The following MSI2 variants were observed in gnomAD, a reference collection of about 807,000 sequenced individuals.
MSI2 encodes RNA-binding protein Musashi homolog 2.
In MSI2, 17 loss-of-function variants were observed where a neutral mutation model predicts 45.6. The ratio of observed to expected loss-of-function variants is 0.37; its 90% confidence interval spans 0.26 to 0.56. The LOEUF (loss-of-function observed/expected upper bound fraction) is 0.56, where lower values mean the gene tolerates loss of function less well. MSI2 is among the 20% of genes least tolerant of loss of function. The pLI, the probability that MSI2 is intolerant of heterozygous loss-of-function variation, is 0.77. For synonymous variants in MSI2, 156 were observed against 158.2 expected, an observed-to-expected ratio of 0.99 and a Z score of 0.11; for missense variants, 293 against 444.2, an observed-to-expected ratio of 0.66 and a Z score of 3.06.
At chr17:57,447,448 TG>T (rs1228313130) in intron 6 of MSI2, among the ~76,000 whole-genome samples, 1 of 152,156 alleles carries the variant, frequency 6.6e-6, no homozygotes, top group Non-Finnish European at 1.5e-5. Flanking sequence ...GGGCGGCCCC[TG>T]GATAGGGGGG....
At chr17:57,593,056 G>C (rs1904975888) in intron 7 of MSI2, among the ~76,000 whole-genome samples, 1 of 152,176 alleles carries the variant, frequency 6.6e-6, no homozygotes, top group African/African-American at 2.4e-5. Flanking sequence ...AAACTAGGCT[G>C]TCCTCTGGCT....
chr17:57,478,711 G>GA (rs2085589804), intron 6 of MSI2, among the ~76,000 whole-genome samples: 1 of 152,164 alleles, frequency 6.6e-6, no homozygotes, highest in African/African-American at 2.4e-5. Flanking sequence ...GGAATTCAGG[G>GA]ATCCTGTTCT....
At chr17:57,605,550 A>G (rs1217139098) in intron 8 of MSI2, among the ~76,000 whole-genome samples, 5 of 152,298 alleles carry the variant, frequency 3.3e-5, no homozygotes, top group African/African-American at 1.2e-4. Flanking sequence ...AGAGGGGAGC[A>G]TGGAGACCAC....
At chr17:57,269,529 C>T (rs1908153164) in intron 5 of MSI2, among the ~76,000 whole-genome samples, 2 of 152,220 alleles carry the variant, frequency 1.3e-5, no homozygotes, top group African/African-American at 4.8e-5. Flanking sequence ...GAGTGATGCT[C>T]TTAGCAGATG....
At chr17:57,522,241 T>A (rs888559712) in intron 6 of MSI2, 1 of 152,212 alleles carries the variant, frequency 6.6e-6, no homozygotes, top group East Asian at 1.9e-4. Context: ...TATAGTATCA[T>A]GGTATTGCAT....
intron 6 of MSI2, among the ~76,000 whole-genome samples, chr17:57,503,220 C>G (rs1311239450): frequency 6.6e-6 from 1 of 152,090 alleles, no homozygotes; most frequent in Non-Finnish European, 1.5e-5. Flanking sequence ...ATTCAGCTAC[C>G]CAATAGTGAT....
chr17:57,310,408 A>C (rs1203544207), intron 5 of MSI2, among the ~76,000 whole-genome samples: 2 of 151,268 alleles, frequency 1.3e-5, no homozygotes, highest in Admixed American at 1.3e-4. Context: ...ATCTTGGCTC[A>C]CTGCGACCTC....
At chr17:57,500,236 C>A (rs1410724284) in intron 6 of MSI2, among the ~76,000 whole-genome samples, 5 of 151,974 alleles carry the variant, frequency 3.3e-5, no homozygotes, top group Admixed American at 3.3e-4. Context: ...TGCAGTCACT[C>A]AGATCTTAAG....
At chr17:57,669,737 G>A (rs1912641027) in intron 11 of MSI2, among the ~76,000 whole-genome samples, 1 of 152,190 alleles carries the variant, frequency 6.6e-6, no homozygotes, top group African/African-American at 2.4e-5. Context: ...TCGGGACTAG[G>A]GGTTGGGAAT....
chr17:57,673,078 A>C (rs1286986819), intron 11 of MSI2, among the ~76,000 whole-genome samples: 1 of 152,208 alleles, frequency 6.6e-6, no homozygotes, highest in African/African-American at 2.4e-5. Context: ...TTCCCGCCCC[A>C]AGGGCATCTG....
chr17:57,352,172 C>T (rs1249427416), intron 5 of MSI2, among the ~76,000 whole-genome samples: 1 of 152,184 alleles, frequency 6.6e-6, no homozygotes, highest in Non-Finnish European at 1.5e-5. Context: ...AAGTATATGT[C>T]ACGTAAATGA....
At chr17:57,671,974 C>T (rs1310412220) in intron 11 of MSI2, among the ~76,000 whole-genome samples, 1 of 152,246 alleles carries the variant, frequency 6.6e-6, no homozygotes, top group African/African-American at 2.4e-5. Flanking sequence ...AGAGGCTCCT[C>T]TCTTCCATGC....
At chr17:57,581,456 G>C (rs564404501) in intron 7 of MSI2, among the ~76,000 whole-genome samples, 92 of 152,136 alleles carry the variant, frequency 6.0e-4, no homozygotes, top group Non-Finnish European at 1.1e-3. Flanking sequence ...CCAGTCCATG[G>C]AATTTCACTC....
rs1905287802 is a variant in MSI2, at chr17:57,596,836, CTT to C, written c.455-30_455-29del. 4 of 1,554,764 alleles carry C rather than the reference CTT, an allele frequency of 2.6e-6. No individual in the cohort carries two copies. The highest frequency in any genetic ancestry group is 1.7e-4 in the Middle Eastern group (1 of 5,960). ...CCAGAACTGAACTCACCCCGCCTCT[CTT>C]TGTTTTTTCTTCTCTCTCTTTTCCT... On this transcript the variant is annotated intron_variant, in intron 7 of 13. Coordinates refer to ENST00000284073, the MANE Select transcript of MSI2 (RefSeq NM_138962.4). The surrounding 1 kb of genome is among the most constrained non-coding windows in gnomAD (Gnocchi z 4.6).
chr17:57,697,285 C>T, the MSI2 span, among the ~76,000 whole-genome samples: 1 of 151,846 alleles, frequency 6.6e-6, no homozygotes, highest in Admixed American at 6.6e-5. Context: ...ACCCCTCACA[C>T]ACTCTACACA....
intron 5 of MSI2, among the ~76,000 whole-genome samples, chr17:57,282,021 T>G (rs1450946392): frequency 6.6e-6 from 1 of 152,210 alleles, no homozygotes; most frequent in African/African-American, 2.4e-5. Flanking sequence ...TGTCACTGCT[T>G]TGACTTCCCT....
intron 8 of MSI2, among the ~76,000 whole-genome samples, chr17:57,603,652 A>G (rs2144500072): frequency 6.6e-6 from 1 of 152,376 alleles, no homozygotes; most frequent in Non-Finnish European, 1.5e-5. Flanking sequence ...GTAACGGGCC[A>G]GAGAGTCTCT....
intron 10 of MSI2, chr17:57,632,026 A>T: frequency 7.4e-7 from 1 of 1,356,222 alleles, no homozygotes; most frequent in Non-Finnish European, 9.4e-7. Flanking sequence ...ATTAAAAAAA[A>T]ATTATTCTCC....
At chr17:57,649,007 G>A (rs980034673) in intron 10 of MSI2, among the ~76,000 whole-genome samples, 1 of 152,182 alleles carries the variant, frequency 6.6e-6, no homozygotes, top group African/African-American at 2.4e-5. Context: ...CCCCTCCTGT[G>A]TCCTGCGAAG....
Sources: allele counts gnomAD v4.1 joint callset (sites outside exome capture counted in the v4.1 genomes callset), GRCh38; gene constraint gnomAD v4.1.1; non-coding constraint Gnocchi (gnomAD v3.1); transcripts MANE v1.5; gene names NCBI Gene and HGNC (gene_info 2026-07-23, HGNC 2026-07-21).